Variants in SPSB4 observed in about 807,000 individuals in gnomAD.
SPSB4 encodes the protein splA/ryanodine receptor domain and SOCS box containing 4, also known as SPRY domain-containing SOCS box protein 4.
A neutral mutation model predicts 20.9 loss-of-function variants in SPSB4; 21 were observed. The ratio of observed to expected loss-of-function variants is 1.01; its 90% CI spans 0.71 to 1.45. The LOEUF is 1.45. Among genes scored for constraint, SPSB4 ranks in the 40% most tolerant of loss-of-function variants. The probability of loss-of-function intolerance (pLI) is 0.00; values close to 1 mark genes in which losing one functional copy is unlikely to be tolerated. For synonymous variants in SPSB4, 207 were observed against 183.8 expected, an observed-to-expected ratio of 1.13 and a Z score of -1.02; for missense variants, 399 against 399.2, an observed-to-expected ratio of 1.00 and a Z score of 0.00.
intron 2 of SPSB4, among the ~76,000 whole-genome samples, chr3:141,145,787 A>C (rs368368124): frequency 1.4e-4 from 21 of 152,078 alleles, no homozygotes; most frequent in East Asian, 1.2e-3. Flanking sequence ...GCTGATGCTA[A>C]CTGATCAGCA....
At chr3:141,144,536 C>T (rs749016677) in intron 2 of SPSB4, among the ~76,000 whole-genome samples, 12 of 152,200 alleles carry the variant, frequency 7.9e-5, no homozygotes, top group Non-Finnish European at 2.9e-5. Context: ...GGGCACTCTC[C>T]GAGCTCTTAA....
chr3:141,108,200 G>A (rs1195344106), intron 2 of SPSB4, among the ~76,000 whole-genome samples: 1 of 151,994 alleles, frequency 6.6e-6, no homozygotes, highest in Non-Finnish European at 1.5e-5. Context: ...TCTCGTGGGA[G>A]TCTCGTTACC....
chr3:141,126,813 G>T (rs887915359), intron 2 of SPSB4, among the ~76,000 whole-genome samples: 2 of 152,194 alleles, frequency 1.3e-5, no homozygotes, highest in African/African-American at 2.4e-5. Flanking sequence ...CCCTTCCATG[G>T]ATAGATTAGT....
chr3:141,073,390 A>G (rs1295810330), intron 2 of SPSB4, among the ~76,000 whole-genome samples: 4 of 152,168 alleles, frequency 2.6e-5, no homozygotes, highest in Non-Finnish European at 5.9e-5. Flanking sequence ...TCTCTTTTTA[A>G]AATTTATTAA....
At chr3:141,100,148 T>A (rs973206141) in intron 2 of SPSB4, among the ~76,000 whole-genome samples, 4 of 152,196 alleles carry the variant, frequency 2.6e-5, no homozygotes, top group African/African-American at 9.7e-5. Context: ...TGTGCCCTAT[T>A]CTTCCCTGGC....
intron 1 of SPSB4, among the ~76,000 whole-genome samples, chr3:141,060,540 C>A (rs1937741989): frequency 6.6e-6 from 1 of 152,182 alleles, no homozygotes; most frequent in Admixed American, 6.5e-5. Context: ...TGAGCCCGGG[C>A]TGCTATTGCA....
rs559982572 is a variant in SPSB4, at chr3:141,064,430, C to T, written c.-153-1522C>T. ...ATTGTTATGTGTTCTGGTATTCCCT[C>T]AGATTGAACATTAGCCAGAGCTCTC... On this transcript the variant is annotated intron_variant, in intron 1 of 2. Coordinates refer to ENST00000310546, the MANE Select transcript of SPSB4 (RefSeq NM_080862.3). 1.8e-4 allele frequency among the ~76,000 whole-genome samples: 28 copies of T among 152,336 alleles called. 1 individual carries two copies. In the South Asian group the frequency reaches 5.8e-3, roughly 32 times the overall value.
At chr3:141,055,304 G>A (rs1284156489) in intron 1 of SPSB4, among the ~76,000 whole-genome samples, 2 of 152,188 alleles carry the variant, frequency 1.3e-5, no homozygotes, top group African/African-American at 4.8e-5. Context: ...GCTAGAAGGG[G>A]CAGGGGAGTG....
intron 2 of SPSB4, among the ~76,000 whole-genome samples, chr3:141,072,955 T>C (rs1201379107): frequency 6.6e-6 from 1 of 152,218 alleles, no homozygotes; most frequent in African/African-American, 2.4e-5. Context: ...AGTTATCTAC[T>C]ATCAGTTAAT....
chr3:141,086,886 C>T (rs2107789388), intron 2 of SPSB4, among the ~76,000 whole-genome samples: 1 of 152,300 alleles, frequency 6.6e-6, no homozygotes, highest in East Asian at 1.9e-4. Flanking sequence ...GAGGCTTGCC[C>T]AAGGTCACGT....
intron 2 of SPSB4, among the ~76,000 whole-genome samples, chr3:141,134,549 GT>G (rs147056490): frequency 0.08 from 12,189 of 152,040 alleles, 806 homozygotes; most frequent in Admixed American, 0.23. Flanking sequence ...ATTTTGTCAC[GT>G]TTTTTCTGCA....
chr3:141,143,755 A>C (rs867701250), intron 2 of SPSB4, among the ~76,000 whole-genome samples: 36 of 152,352 alleles, frequency 2.4e-4, no homozygotes, highest in Admixed American at 5.2e-4. Context: ...TCCAGCCAGG[A>C]GGTGGTGCTT....
At chr3:141,143,594 G>T (rs1345211313) in intron 2 of SPSB4, among the ~76,000 whole-genome samples, 5 of 152,226 alleles carry the variant, frequency 3.3e-5, no homozygotes, top group Admixed American at 6.5e-5. Flanking sequence ...TCTAATGCTG[G>T]TTATGCTAGC....
intron 2 of SPSB4, among the ~76,000 whole-genome samples, chr3:141,144,348 C>T (rs551314771): frequency 5.9e-5 from 9 of 152,208 alleles, no homozygotes; most frequent in Non-Finnish European, 1.0e-4. Flanking sequence ...GATTCTTTTT[C>T]GGTTTTATCT....
intron 2 of SPSB4, among the ~76,000 whole-genome samples, chr3:141,091,316 G>A (rs1329654089): frequency 1.3e-5 from 2 of 152,174 alleles, no homozygotes. Context: ...AGGGATAAAA[G>A]CCATAACCAC....
chr3:141,088,899 C>T (rs1227584883), intron 2 of SPSB4, among the ~76,000 whole-genome samples: 1 of 152,180 alleles, frequency 6.6e-6, no homozygotes, highest in African/African-American at 2.4e-5. Flanking sequence ...CCCAATCTGA[C>T]CAATTTCTCA....
chr3:141,134,079 G>T, intron 2 of SPSB4, among the ~76,000 whole-genome samples: 1 of 42,150 alleles, frequency 2.4e-5, no homozygotes, highest in Non-Finnish European at 4.6e-5. Flanking sequence ...TTTTTTTGCA[G>T]CTGTTGTAAA....
chr3:141,143,094 G>A (rs1939363231), intron 2 of SPSB4, among the ~76,000 whole-genome samples: 1 of 152,006 alleles, frequency 6.6e-6, no homozygotes, highest in African/African-American at 2.4e-5. Context: ...GGGATTACAG[G>A]TCTGAGCCAC....
chr3:141,132,093 T>C, intron 2 of SPSB4: 2 of 240,764 alleles, frequency 8.3e-6, no homozygotes, highest in South Asian at 3.6e-5. Flanking sequence ...GAAATTTTGA[T>C]GCACTACTCA....
Sources: allele counts gnomAD v4.1 joint callset (sites outside exome capture counted in the v4.1 genomes callset), GRCh38; gene constraint gnomAD v4.1.1; transcripts MANE v1.5; gene names NCBI Gene and HGNC (gene_info 2026-07-23, HGNC 2026-07-21).